Variants in LDB2 observed in about 807,000 individuals in gnomAD.
LDB2 encodes the protein LIM domain binding 2.
LDB2 carries 12 observed loss-of-function variants against 44.3 expected under a neutral mutation model. The ratio of observed to expected loss-of-function variants is 0.27; its 90% CI spans 0.17 to 0.44. The LOEUF (loss-of-function observed/expected upper bound fraction) is 0.44. LDB2 is among the 20% of genes least tolerant of loss of function. The probability of loss-of-function intolerance (pLI) is 1.00; values close to 1 mark genes in which losing one functional copy is unlikely to be tolerated. For synonymous variants in LDB2, 164 were observed against 174.8 expected, an observed-to-expected ratio of 0.94 and a Z score of 0.49; for missense variants, 344 against 473.5, an observed-to-expected ratio of 0.73 and a Z score of 2.54.
intron 2 of LDB2, among the ~76,000 whole-genome samples, chr4:16,614,939 G>A (rs1461583280): frequency 4.7e-5 from 7 of 149,720 alleles, no homozygotes; most frequent in South Asian, 2.1e-4. Flanking sequence ...GCGTAGTGGC[G>A]GGCGCCTGTA....
At chr4:16,800,881 T>G (rs913298418) in intron 1 of LDB2, among the ~76,000 whole-genome samples, 7 of 152,172 alleles carry the variant, frequency 4.6e-5, no homozygotes, top group Non-Finnish European at 7.4e-5. Flanking sequence ...TTCACCGTGT[T>G]AGCCAGGATG....
chr4:16,557,502 G>C (rs1208339273), intron 5 of LDB2, among the ~76,000 whole-genome samples: 1 of 152,364 alleles, frequency 6.6e-6, no homozygotes, highest in African/African-American at 2.4e-5. Context: ...CGGCAGCGAG[G>C]CTGGGGGAGG....
At chr4:16,824,403 CA>C (rs766021886) in intron 1 of LDB2, among the ~76,000 whole-genome samples, 5 of 152,188 alleles carry the variant, frequency 3.3e-5, no homozygotes, top group Non-Finnish European at 7.3e-5. Flanking sequence ...TGAGATACTG[CA>C]AATGAAAGTC....
chr4:16,618,181 T>C (rs1424546326), intron 2 of LDB2, among the ~76,000 whole-genome samples: 1 of 152,084 alleles, frequency 6.6e-6, no homozygotes, highest in African/African-American at 2.4e-5. Context: ...GAGGAGCAGG[T>C]TAAGATAACG....
chr4:16,511,692 C>G (rs921454614), intron 6 of LDB2, among the ~76,000 whole-genome samples: 1 of 152,200 alleles, frequency 6.6e-6, no homozygotes, highest in African/African-American at 2.4e-5. Flanking sequence ...GAACCCCTGG[C>G]TCTGATCTCA....
chr4:16,610,760 G>A (rs1388309524), intron 2 of LDB2, among the ~76,000 whole-genome samples: 1 of 152,120 alleles, frequency 6.6e-6, no homozygotes, highest in South Asian at 2.1e-4. Context: ...GAATGTGATG[G>A]GGAGAATGGA....
At chr4:16,667,316 C>T (rs913485447) in intron 2 of LDB2, among the ~76,000 whole-genome samples, 1 of 152,186 alleles carries the variant, frequency 6.6e-6, no homozygotes, top group Non-Finnish European at 1.5e-5. Context: ...TGTGCAGAGT[C>T]CTTGCCGTGC....
chr4:16,555,825 A>C (rs1448384252), intron 5 of LDB2, among the ~76,000 whole-genome samples: 1 of 152,114 alleles, frequency 6.6e-6, no homozygotes, highest in East Asian at 1.9e-4. Flanking sequence ...CATGGAATAC[A>C]TGCTCTGTGT....
intron 1 of LDB2, among the ~76,000 whole-genome samples, chr4:16,871,434 G>A (rs113466620): frequency 0.024 from 3,684 of 152,292 alleles, 65 homozygotes; most frequent in Middle Eastern, 0.11. Flanking sequence ...GTAACATAAT[G>A]AGTGGCAGAA....
intron 2 of LDB2, among the ~76,000 whole-genome samples, chr4:16,733,236 C>T (rs1207700908): frequency 6.6e-6 from 1 of 152,074 alleles, no homozygotes; most frequent in Non-Finnish European, 1.5e-5. Context: ...AAGATCCAAC[C>T]TAGCCACTCA....
rs184416761 is a variant in LDB2 at position 16,846,985 on chromosome 4, G to T, written c.132+51369C>A. ...TTGATGAGTTTTATACTGAGAGCTG[G>T]AGAAGACTCCACTCTATTTTAATTT... is the stretch of plus-strand genomic sequence containing the variant. On this transcript the variant is annotated intron_variant, in intron 1 of 7. Coordinates refer to ENST00000304523, the MANE Select transcript of LDB2 (RefSeq NM_001290.5). 4.2e-3 allele frequency among the ~76,000 whole-genome samples: 641 copies of T among 152,246 alleles called. 6 individuals are homozygous for T. The highest frequency in any genetic ancestry group is 4.6e-3 in the Non-Finnish European group (315 of 68,018).
At chr4:16,531,753 A>C (rs13138387) in intron 5 of LDB2, among the ~76,000 whole-genome samples, 15,250 of 152,242 alleles carry the variant, frequency 0.1, 824 homozygotes, top group South Asian at 0.17. Context: ...AAATAGATAG[A>C]TAGACACCTT....
chr4:16,671,507 G>A (rs1209455719), intron 2 of LDB2, among the ~76,000 whole-genome samples: 1 of 152,100 alleles, frequency 6.6e-6, no homozygotes, highest in East Asian at 1.9e-4. Flanking sequence ...AGCAGTCAGA[G>A]CCCAAGCCTG....
At chr4:16,520,789 T>C (rs1191559044) in intron 5 of LDB2, among the ~76,000 whole-genome samples, 1 of 152,150 alleles carries the variant, frequency 6.6e-6, no homozygotes, top group South Asian at 2.1e-4. Context: ...GCTTGGACTG[T>C]TTTCCTACCC....
chr4:16,580,898 T>G (rs1252002460), intron 5 of LDB2, among the ~76,000 whole-genome samples: 2 of 152,218 alleles, frequency 1.3e-5, no homozygotes, highest in Non-Finnish European at 2.9e-5. Context: ...CAATTACTTC[T>G]CCAATTTTAA....
intron 2 of LDB2, among the ~76,000 whole-genome samples, chr4:16,691,031 G>A (rs1055107137): frequency 6.6e-6 from 1 of 152,240 alleles, no homozygotes; most frequent in Non-Finnish European, 1.5e-5. Context: ...GGCAATTTAT[G>A]TTCTTTAATG....
At chr4:16,663,064 A>G (rs1196528774) in intron 2 of LDB2, among the ~76,000 whole-genome samples, 1 of 152,132 alleles carries the variant, frequency 6.6e-6, no homozygotes, top group Non-Finnish European at 1.5e-5. Flanking sequence ...CAAAGAATAA[A>G]GAAAATAAAG....
chr4:16,511,278 C>A (rs76623124), intron 6 of LDB2, among the ~76,000 whole-genome samples: 2,287 of 152,136 alleles, frequency 0.015, 68 homozygotes, highest in African/African-American at 0.051. Context: ...TCAACACACG[C>A]CTGGGAGTGA....
intron 1 of LDB2, among the ~76,000 whole-genome samples, chr4:16,775,564 A>G (rs530597968): frequency 8.4e-4 from 128 of 152,344 alleles, no homozygotes; most frequent in South Asian, 7.5e-3. Context: ...ATTGTTATCC[A>G]TCATTATTAC....
Sources: allele counts gnomAD v4.1 joint callset (sites outside exome capture counted in the v4.1 genomes callset), GRCh38; gene constraint gnomAD v4.1.1; transcripts MANE v1.5; gene names NCBI Gene and HGNC (gene_info 2026-07-23, HGNC 2026-07-21).